Variants in PLA2G4B observed in about 807,000 individuals in gnomAD.
The protein encoded by PLA2G4B is cytosolic phospholipase A2 beta.
A neutral mutation model predicts 95.8 loss-of-function variants in PLA2G4B; 122 were observed. The ratio of observed to expected loss-of-function variants is 1.27; its 90% CI spans 1.10 to 1.48. PLA2G4B has a LOEUF of 1.48. Among genes scored for constraint, PLA2G4B ranks in the 40% most tolerant of loss-of-function variants. The pLI is 0.00. For synonymous variants in PLA2G4B, 518 were observed against 421.5 expected, an observed-to-expected ratio of 1.23 and a Z score of -2.80; for missense variants, 1,158 against 996.2, an observed-to-expected ratio of 1.16 and a Z score of -2.19.
chr15:41,845,949 G>A lies in PLA2G4B; in HGVS notation c.1502G>A (p.Trp501Ter), dbSNP rs773744933. ...CTCACGGCCGCTCTTTCAGGTATCT[G>A]GAGCAACCTGTATGCAGCCAACCTC... The part of the protein sequence containing the change: ...ESRICFLEGI[W>*]SNLYAANLQD... Residue 501 changes from tryptophan (W) to a stop codon, truncating the protein, a stop_gained, in exon 16 of 20, where the codon TGG (tryptophan) becomes TAG (stop). Transcript: ENST00000458483. LOFTEE classifies it high-confidence loss of function. The A allele has an allele frequency of 4.0e-6, 6 of 1,515,202 alleles. No individual in the cohort carries two copies. Among genetic ancestry groups the A allele is most frequent in the Non-Finnish European group, 5.3e-6 (6 of 1,132,162 alleles). The allele number at this position is 1,515,202 out of a possible 1,614,324, so 93.9% of individuals were successfully genotyped here.
rs756123608 is a variant in PLA2G4B, at chr15:41,847,795, C to G, written c.2281C>G (p.Gln761Glu). 2 of 1,613,422 alleles carry G rather than the reference C, an allele frequency of 1.2e-6. No individual in the cohort carries two copies. The highest frequency in any genetic ancestry group is 2.7e-5 in the African/African-American group (2 of 74,950). The change falls in exon 20 of 20, where the codon CAG (glutamine) becomes GAG (glutamate). Residue 761 changes from glutamine (Q) to glutamate (E), a missense_variant. Gln to Glu is a conservative substitution (Grantham distance 29). Transcript: ENST00000458483. ...HLTHYNVCNN[Q>E]EQLLEALRQA... ...GACACATTACAATGTCTGCAACAAC[C>G]AGGAGCAGCTGCTGGAGGCTCTGCG...
At chr15:41,841,749 C>T in intron 7 of PLA2G4B, 70 bp from the exon 8 acceptor site, 1 of 1,588,496 alleles carries the variant, frequency 6.3e-7, no homozygotes. Flanking sequence ...CCCTCCAGGC[C>T]ACGCAGCAAG....
Position 41,841,863 on chromosome 15 carries a change from G to T in PLA2G4B, c.535G>T (p.Gly179Cys), listed in dbSNP as rs762752586. 6.2e-7 allele frequency: 1 copy of T among 1,613,490 alleles called. No homozygotes were observed. Among genetic ancestry groups the T allele is most frequent in the African/African-American group, 1.3e-5 (1 of 75,032 alleles). ...GCTTGTGGTTCCTGGGTCCTGTGAG[G>T]GTCCGCAGGAGGCCTCTGTGGGCAC... ...VQLVVPGSCE[G>C]PQEASVGTGT... The change falls in exon 8 of 20, where the codon GGT becomes TGT. Residue 179 changes from glycine to cysteine, a missense_variant. Coordinates refer to ENST00000458483, the MANE Select transcript of PLA2G4B (RefSeq NM_001114633.2).
At position 41,846,067 on chromosome 15, in the gene PLA2G4B, C is replaced by T. The variant is rs767749040; in HGVS notation, c.1600+20C>T. On this transcript the variant is annotated intron_variant, in intron 16 of 19. Transcript: ENST00000458483. ...ACCTGGGTAAGTGCTCCGGGCCCTT[C>T]ATAAGGGTGCCAAGGGGCAGCCAGC... 1.3e-5 allele frequency: 20 copies of T among 1,571,480 alleles called. No individual in the cohort carries two copies. Among genetic ancestry groups the T allele is most frequent in the Admixed American group, 3.7e-5 (2 of 54,634 alleles).
rs1197701096 is a variant in PLA2G4B, at chr15:41,845,435, G to C, written c.1357+115G>C. 8.2e-6 allele frequency: 12 copies of C among 1,467,860 alleles called. No homozygotes were observed. The East Asian group carries it at 1.2e-4, about 14-fold the overall frequency. 90.9% of individuals were successfully genotyped at this position (1,467,860 alleles called of 1,614,324 possible). On this transcript the variant is annotated intron_variant, in intron 14 of 19. Coordinates refer to ENST00000458483, the MANE Select transcript of PLA2G4B (RefSeq NM_001114633.2). ...CCACCTCTCCTGAGCCAGGTCCCGT[G>C]CTTTCTGGAGACCGGCACCCTACCA... is the stretch of plus-strand genomic sequence containing the variant.
chr15:41,840,649 A>T lies in PLA2G4B; in HGVS notation c.208A>T (p.Arg70Trp). 6.2e-7 allele frequency: 1 copy of T among 1,613,414 alleles called. No homozygotes were observed. Among genetic ancestry groups the T allele is most frequent in the Non-Finnish European group, 8.5e-7 (1 of 1,179,674 alleles). The change falls in exon 3 of 20, where the codon AGG (arginine) becomes TGG (tryptophan). Residue 70 changes from arginine to tryptophan, a missense_variant. By Grantham distance (101) the Arg-to-Trp change is moderately radical. Transcript: ENST00000458483. ...WNQSFHFRIHRQLKNVMELKV... is the reference protein window; with the variant it reads ...WNQSFHFRIHWQLKNVMELKV... Reference sequence around the variant, plus strand: ...CCAGAGCTTTCACTTCAGGATCCACAGGCAGCTCAAGGTGGGCCAGGCATC... The same window carrying T: ...CCAGAGCTTTCACTTCAGGATCCACTGGCAGCTCAAGGTGGGCCAGGCATC...
At position 41,845,682 on chromosome 15, in the gene PLA2G4B, G is replaced by C. The variant is rs148623870; in HGVS notation, c.1402G>C (p.Gly468Arg). 2.5e-6 allele frequency: 4 copies of C among 1,614,070 alleles called. No individual in the cohort carries two copies. The East Asian group carries it at 6.7e-5, about 27-fold the overall frequency. The change falls in exon 15 of 20, where the codon GGG (glycine) becomes CGG (arginine). Residue 468 changes from glycine to arginine, a missense_variant. Gly to Arg is a moderately radical substitution (Grantham distance 125). Coordinates refer to ENST00000458483, the MANE Select transcript of PLA2G4B (RefSeq NM_001114633.2). ...CTACGAGGTCGGCTTCCCCAAGTAC[G>C]GGGCCTTCATCCCCTCTGAGCTCTT... ...SPYEVGFPKY[G>R]AFIPSELFGS...
chr15:41,844,568 A>G lies in PLA2G4B; in HGVS notation c.977A>G (p.Asp326Gly). The G allele has an allele frequency of 1.2e-6, 2 of 1,613,988 alleles. No homozygotes were observed. The highest frequency in any genetic ancestry group is 1.7e-6 in the Non-Finnish European group (2 of 1,179,968). The part of the protein sequence containing the change: ...LAGLKELGLL[D>G]CVSYITGASG... Reference sequence around the variant, plus strand: ...GGCCTGAAGGAGCTGGGCCTCTTGGATTGCGTCTCCTACATCACCGGGGCC... The same window carrying G: ...GGCCTGAAGGAGCTGGGCCTCTTGGGTTGCGTCTCCTACATCACCGGGGCC... Residue 326 changes from aspartate to glycine, a missense_variant, in exon 12 of 20, where the codon GAT (aspartate) becomes GGT (glycine). Asp to Gly is a moderately conservative substitution (Grantham distance 94). Coordinates refer to ENST00000458483, the MANE Select transcript of PLA2G4B (RefSeq NM_001114633.2).
intron 8 of PLA2G4B, 33 bp downstream of exon 8, chr15:41,841,982 C>G (rs758784842): frequency 1.9e-6 from 3 of 1,596,672 alleles, no homozygotes; most frequent in Non-Finnish European, 2.6e-6. Flanking sequence ...GGTGGGGCCC[C>G]CAGAACTTCC....
intron 10 of PLA2G4B, among the ~76,000 whole-genome samples, chr15:41,843,387 G>GA (rs1226168204): frequency 2.0e-5 from 3 of 152,142 alleles, no homozygotes; most frequent in African/African-American, 4.8e-5. Context: ...GGAGGGGGGG[G>GA]ATCTATGGTA....
rs755643383 is a variant in PLA2G4B at position 41,845,086 on chromosome 15, C to T, written c.1239+16C>T. On this transcript the variant is annotated intron_variant, in intron 13 of 19. Coordinates refer to ENST00000458483, the MANE Select transcript of PLA2G4B (RefSeq NM_001114633.2). Reference sequence around the variant, plus strand: ...GCATGATGAGGTGCGGGGGCTGCGGCCTGGGGGCAGAGCCAGGGCAAGGGC... The same window carrying T: ...GCATGATGAGGTGCGGGGGCTGCGGTCTGGGGGCAGAGCCAGGGCAAGGGC... 4.4e-6 allele frequency: 7 copies of T among 1,594,212 alleles called. 1 individual carries two copies. Among genetic ancestry groups the T allele is most frequent in the Non-Finnish European group, 6.0e-6 (7 of 1,168,320 alleles).
At chr15:41,846,986 C>A in intron 18 of PLA2G4B, 151 bp downstream of exon 18, 1 of 1,176,018 alleles carries the variant, frequency 8.5e-7, no homozygotes, top group Non-Finnish European at 1.1e-6. Flanking sequence ...GGAGCTCATT[C>A]TTTTCCGGAA....
chr15:41,843,668 C>A lies in PLA2G4B; in HGVS notation c.744-8C>A. ...AGCTGTCTCACAGTCTCTTCCTTCC[C>A]CGGCCAGACTGAGGGAGCTGGCCGT... is the stretch of plus-strand genomic sequence containing the variant. On this transcript the variant is annotated splice_region_variant and splice_polypyrimidine_tract_variant and intron_variant, in intron 10 of 19. Coordinates refer to ENST00000458483, the MANE Select transcript of PLA2G4B (RefSeq NM_001114633.2). The A allele has an allele frequency of 6.2e-7, 1 of 1,612,532 alleles. No homozygotes were observed.
chr15:41,841,419 T>C (rs2140889593), intron 6 of PLA2G4B, 98 bp from the exon 7 acceptor site: 1 of 1,609,198 alleles, frequency 6.2e-7, no homozygotes, highest in African/African-American at 1.3e-5. Context: ...AGGGCCCAGG[T>C]AATGAAGTGC....
chr15:41,846,788 G>A lies in PLA2G4B; in HGVS notation c.1900G>A (p.Val634Met), dbSNP rs766564914. ...GCCCCTCCTGCAGCCCACTCGGGAC[G>A]TGGACCTCATCCTGTCATTGGACTA... is the stretch of plus-strand genomic sequence containing the variant. Reference protein sequence around the residue: ...CLPLLQPTRDVDLILSLDYNL... With the variant: ...CLPLLQPTRDMDLILSLDYNL... Residue 634 changes from valine (V) to methionine (M), a missense_variant, in exon 18 of 20, where the codon GTG becomes ATG. Coordinates refer to ENST00000458483, the MANE Select transcript of PLA2G4B (RefSeq NM_001114633.2). The A allele has an allele frequency of 1.2e-5, 19 of 1,613,804 alleles. No individual in the cohort carries two copies. The highest frequency in any genetic ancestry group is 2.2e-5 in the East Asian group (1 of 44,882).
Position 41,844,949 on chromosome 15 carries a change from T to C in PLA2G4B, c.1118T>C (p.Val373Ala). Residue 373 changes from valine (V) to alanine (A), a missense_variant, in exon 13 of 20, where the codon GTG (valine) becomes GCG (alanine). By Grantham distance (64) the Val-to-Ala change is moderately conservative (BLOSUM62 0). Coordinates refer to ENST00000458483, the MANE Select transcript of PLA2G4B (RefSeq NM_001114633.2). ...KTQVTKNKLG[V>A]LAPSQLQRYR... ...CAGGTGACCAAGAACAAGCTGGGTG[T>C]GCTGGCCCCCAGCCAGCTGCAGCGG... is the stretch of plus-strand genomic sequence containing the variant. 6.2e-7 allele frequency: 1 copy of C among 1,612,120 alleles called. No homozygotes were observed. Among genetic ancestry groups the C allele is most frequent in the Non-Finnish European group, 8.5e-7 (1 of 1,179,336 alleles).
chr15:41,843,497 G>T (rs1202770697), intron 10 of PLA2G4B, among the ~76,000 whole-genome samples, 179 bp from the exon 11 acceptor site: 1 of 152,226 alleles, frequency 6.6e-6, no homozygotes, highest in Non-Finnish European at 1.5e-5. Flanking sequence ...GCATTCCCAA[G>T]CATGTCCACA....
chr15:41,846,884 C>T, intron 18 of PLA2G4B, 49 bp downstream of exon 18: 3 of 1,551,792 alleles, frequency 1.9e-6, no homozygotes, highest in Non-Finnish European at 2.6e-6. Flanking sequence ...TGGCCCCTGT[C>T]CCCTGAAGAG....
chr15:41,843,845 G>C, intron 11 of PLA2G4B, 34 bp downstream of exon 11: 1 of 1,608,034 alleles, frequency 6.2e-7, no homozygotes, highest in Non-Finnish European at 8.5e-7. Flanking sequence ...GTGTCCCCGG[G>C]CTTGCTTGGG....
Sources: gnomAD v4.1 joint callset for allele counts (sites outside exome capture counted in the v4.1 genomes callset) on GRCh38, gnomAD v4.1.1 for gene constraint, MANE v1.5 for transcripts, NCBI Gene and HGNC (gene_info 2026-07-23, HGNC 2026-07-21) for gene names.